The following SPATA22 variants were observed in gnomAD, a reference collection of about 807,000 sequenced individuals.
SPATA22 encodes spermatogenesis-associated protein 22.
In SPATA22, 29 loss-of-function variants were observed where a neutral mutation model predicts 47.8. The ratio of observed to expected loss-of-function variants is 0.61; its 90% CI spans 0.45 to 0.83. The LOEUF is 0.83. Ranked by LOEUF, SPATA22 falls within the 40% of genes least tolerant of loss-of-function variation. The probability of loss-of-function intolerance (pLI) is 0.00; values close to 1 mark genes in which losing one functional copy is unlikely to be tolerated. For synonymous variants in SPATA22, 133 were observed against 140.9 expected (o/e 0.94, Z 0.40); for missense variants, 410 against 421.7 (o/e 0.97, Z 0.24).
In SPATA22 at chr17:3,444,054, A is replaced by G. The variant is rs186366758; in HGVS notation, c.803-783T>C. Among the ~76,000 whole-genome samples, 3 of 152,092 alleles carry G rather than the reference A, an allele frequency of 2.0e-5. No homozygotes were observed. In the East Asian group the frequency reaches 5.8e-4, roughly 29 times the overall value. The stretch of plus-strand genomic sequence containing the variant: ...TCCCTCCTCCTTGAGTAAATTGTTT[A>G]ACCACTTTCAAATCTGTTTCTTCAC... On this transcript the variant is annotated intron_variant, in intron 7 of 8. Coordinates refer to ENST00000572969, the MANE Select transcript of SPATA22 (RefSeq NM_001170698.2).
intron 1 of SPATA22, chr17:3,483,737 A>C (rs1052826978): frequency 2.3e-4 from 173 of 751,826 alleles, no homozygotes; most frequent in Non-Finnish European, 2.9e-4. Context: ...ATCTCAGCTC[A>C]CTGCAACCTC....
intron 7 of SPATA22, among the ~76,000 whole-genome samples, chr17:3,443,541 T>C (rs1382170373): frequency 2.0e-5 from 3 of 151,994 alleles, no homozygotes; most frequent in Non-Finnish European, 4.4e-5. Flanking sequence ...AACTTTTTCC[T>C]TAGAATGTGT....
In SPATA22 at chr17:3,507,971, G is replaced by A. The variant is rs909873106; in HGVS notation, c.-74+5441C>T. ...GCACATTCCTAGGTTTTGGACTAAC[G>A]CCTATTAAGCTAGGATGTGAATCAC... On this transcript the variant is annotated intron_variant, in intron 1 of 8. Coordinates refer to the SPATA22 transcript ENST00000541913. Among the ~76,000 whole-genome samples the A allele has an allele frequency of 2.6e-5, 4 of 152,212 alleles. No individual in the cohort carries two copies. In the East Asian group the frequency reaches 7.7e-4, roughly 29 times the overall value.
chr17:3,494,291 A>G, intron 1 of SPATA22: 1 of 1,352,950 alleles, frequency 7.4e-7, no homozygotes, highest in South Asian at 1.2e-5. Flanking sequence ...GGCATGAGCC[A>G]CCACACCCGG....
chr17:3,478,053 CG>C (rs912104681), intron 1 of SPATA22, among the ~76,000 whole-genome samples: 2 of 152,078 alleles, frequency 1.3e-5, no homozygotes, highest in African/African-American at 4.8e-5. Context: ...GGCATGGTGG[CG>C]GGCACCTGTA....
At chr17:3,484,055 T>C (rs1273323289) in intron 1 of SPATA22, among the ~76,000 whole-genome samples, 2 of 152,228 alleles carry the variant, frequency 1.3e-5, no homozygotes, top group Non-Finnish European at 2.9e-5. Flanking sequence ...AGGCTCTAAT[T>C]GTACCGAATT....
rs762515645 is a variant in SPATA22, at chr17:3,440,309, G to C, written c.930C>G (p.Gly310=). ...AGTTGCCAACACATCTATGAACTCG[G>C]CCTCTAATCAGTCTCGGAAGTTCAC... The part of the protein sequence containing the change: ...IDRELPRLIR[G]RVHRCVGNYD... The change falls in exon 9 of 9, where the codon GGC becomes GGG. Residue 310 remains glycine (G), a synonymous_variant. Coordinates refer to ENST00000572969, the MANE Select transcript of SPATA22 (RefSeq NM_001170698.2). 8 of 1,583,462 alleles carry C rather than the reference G, an allele frequency of 5.1e-6. No individual in the cohort carries two copies. Among genetic ancestry groups the C allele is most frequent in the Non-Finnish European group, 6.9e-6 (8 of 1,162,196 alleles).
chr17:3,478,701 G>C (rs2073574655), intron 1 of SPATA22, among the ~76,000 whole-genome samples: 1 of 152,150 alleles, frequency 6.6e-6, no homozygotes, highest in African/African-American at 2.4e-5. Context: ...TCAGAGACTA[G>C]ACTGTTCCCA....
At chr17:3,502,390 A>C (rs866378500) in intron 1 of SPATA22, 13 of 152,240 alleles carry the variant, frequency 8.5e-5, no homozygotes, top group South Asian at 2.1e-4. Flanking sequence ...CAAGGCTGAA[A>C]TATCTCTGAG....
At chr17:3,483,333 G>A (rs1183233994) in intron 1 of SPATA22, among the ~76,000 whole-genome samples, 1 of 152,114 alleles carries the variant, frequency 6.6e-6, no homozygotes, top group African/African-American at 2.4e-5. Context: ...TTATTTGTAT[G>A]TTTTCAAAGC....
chr17:3,493,008 C>T (rs141942701), intron 1 of SPATA22, among the ~76,000 whole-genome samples: 45 of 152,316 alleles, frequency 3.0e-4, no homozygotes, highest in African/African-American at 1.0e-3. Flanking sequence ...TGGGCATACC[C>T]ATTCTAACTC....
chr17:3,447,059 A>G (rs1043819155), intron 6 of SPATA22, among the ~76,000 whole-genome samples: 1 of 152,192 alleles, frequency 6.6e-6, no homozygotes, highest in African/African-American at 2.4e-5. Context: ...AACAGTCAAG[A>G]TATCTGTCCT....
At chr17:3,512,087 C>T (rs1302097564) in intron 1 of SPATA22, 1 of 152,250 alleles carries the variant, frequency 6.6e-6, no homozygotes, top group Admixed American at 6.5e-5. Context: ...CAACCAGCTT[C>T]TGCTTAAACA....
rs545223532 is a variant in SPATA22, at chr17:3,458,855, C to CAAAAAAAAAAAA, written c.329+3616_329+3627dup. The stretch of plus-strand genomic sequence containing the variant: ...CCTGGGCAACAAGAGCGAAACTTCA[C>CAAAAAAAAAAAA]AAAAAAAAAAAAAAAAAAAAAAAAA... On this transcript the variant is annotated intron_variant, in intron 5 of 8. Transcript: ENST00000572969. Among the ~76,000 whole-genome samples the CAAAAAAAAAAAA allele has an allele frequency of 2.7e-3, 105 of 38,344 alleles. 5 individuals carry two copies. Among genetic ancestry groups the CAAAAAAAAAAAA allele is most frequent in the African/African-American group, 0.01 (89 of 8,766 alleles). 25.2% of individuals were successfully genotyped at this position (38,344 alleles called of 152,430 possible). A position where few individuals can be genotyped will look rare whatever the true frequency, so the allele number is the denominator to read the frequency against.
chr17:3,470,093 C>CAA (rs57432043), intron 1 of SPATA22, among the ~76,000 whole-genome samples: 673 of 53,738 alleles, frequency 0.013, 59 homozygotes, highest in African/African-American at 0.037. Context: ...GACTCCATCT[C>CAA]AAAAAAAAAA....
chr17:3,455,597 G>C lies in SPATA22; in HGVS notation c.330-6448C>G, dbSNP rs1597396013. ...GTTTTCTCAGGTTTGTCAAAGATCA[G>C]ATAGTTGTAGATATGCGGCGTTATT... On this transcript the variant is annotated intron_variant, in intron 5 of 8. Coordinates refer to ENST00000572969, the MANE Select transcript of SPATA22 (RefSeq NM_001170698.2). Among the ~76,000 whole-genome samples the C allele has an allele frequency of 5.7e-5, 8 of 141,264 alleles. 1 individual carries two copies. In the South Asian group the frequency reaches 1.9e-3, roughly 34 times the overall value. 92.7% of individuals were successfully genotyped at this position (141,264 alleles called of 152,430 possible). A position where few individuals can be genotyped will look rare whatever the true frequency, so the allele number is the denominator to read the frequency against.
chr17:3,458,669 C>G (rs8074620), intron 5 of SPATA22, among the ~76,000 whole-genome samples: 35,078 of 151,258 alleles, frequency 0.23, 4,315 homozygotes, highest in East Asian at 0.42. Context: ...ATGGTGAAAC[C>G]CCATCTCTAC....
chr17:3,453,007 T>A (rs892474541), intron 5 of SPATA22, among the ~76,000 whole-genome samples: 1 of 152,188 alleles, frequency 6.6e-6, no homozygotes, highest in African/African-American at 2.4e-5. Flanking sequence ...AAGAGGGAAT[T>A]CCACTTCCAA....
intron 1 of SPATA22, chr17:3,483,508 G>C: frequency 6.2e-7 from 1 of 1,613,922 alleles, no homozygotes; most frequent in Non-Finnish European, 8.5e-7. Flanking sequence ...GACTTCTCTG[G>C]CTCCACTACC....
Sources: allele counts gnomAD v4.1 joint callset (sites outside exome capture counted in the v4.1 genomes callset), GRCh38; gene constraint gnomAD v4.1.1; transcripts MANE v1.5; gene names NCBI Gene and HGNC (gene_info 2026-07-23, HGNC 2026-07-21).